Variants in KCNN1 observed in about 807,000 individuals in gnomAD.
The protein encoded by KCNN1 is potassium calcium-activated channel subfamily N member 1.
KCNN1 carries 20 observed loss-of-function variants against 44.7 expected under a neutral mutation model. The ratio of observed to expected loss-of-function variants is 0.45; its 90% CI spans 0.32 to 0.65. The LOEUF is 0.65. Among genes scored for constraint, KCNN1 ranks in the 30% least tolerant of loss-of-function variants. The probability of loss-of-function intolerance (pLI) is 0.05; values close to 1 mark genes in which losing one functional copy is unlikely to be tolerated. For missense variants in KCNN1, 632 were observed against 785.3 expected (o/e 0.80, Z 2.33); for synonymous variants, 324 against 341.7 (o/e 0.95, Z 0.57).
In KCNN1 at chr19:17,974,831, G is replaced by C. The variant is rs1437910036; in HGVS notation, c.403-261G>C. On this transcript the variant is annotated intron_variant, in intron 2 of 9. Coordinates refer to ENST00000684775, the MANE Select transcript of KCNN1 (RefSeq NM_001386974.1). The surrounding 1 kb of genome is among the most constrained non-coding windows in gnomAD (Gnocchi z 7.3). ...AAGCACTGGACACATCTTGCTGTCA[G>C]CCCAGTCCCCAGGAATAAGGACAGG... Among the ~76,000 whole-genome samples, 1 of 152,228 alleles carries C rather than the reference G, an allele frequency of 6.6e-6. No homozygotes were observed. The highest frequency in any genetic ancestry group is 2.4e-5 in the African/African-American group (1 of 41,462).
chr19:17,992,631 G>A (rs146225207), intron 7 of KCNN1, among the ~76,000 whole-genome samples: 123 of 152,170 alleles, frequency 8.1e-4, no homozygotes, highest in African/African-American at 2.8e-3. Flanking sequence ...CAAAAGGGGC[G>A]AGGGCATACA....
At chr19:17,968,833 C>T (rs2031912812) in intron 1 of KCNN1, among the ~76,000 whole-genome samples, 1 of 152,128 alleles carries the variant, frequency 6.6e-6, no homozygotes, top group Non-Finnish European at 1.5e-5. Flanking sequence ...ATATCAAAGA[C>T]CTTCCAACCC....
At chr19:17,976,584 A>G (rs1439927283) in intron 3 of KCNN1, among the ~76,000 whole-genome samples, 1 of 151,378 alleles carries the variant, frequency 6.6e-6, no homozygotes, top group Admixed American at 6.6e-5. Context: ...ACACCCAGCT[A>G]ATTTTGTATT....
intron 3 of KCNN1, among the ~76,000 whole-genome samples, chr19:17,977,523 C>CT (rs537932293): frequency 3.3e-5 from 5 of 151,752 alleles, no homozygotes; most frequent in East Asian, 1.9e-4. Flanking sequence ...AAATTTTTTG[C>CT]TTTTTTTGTA....
chr19:17,978,881 A>C (rs953883792), intron 3 of KCNN1, among the ~76,000 whole-genome samples: 1 of 145,260 alleles, frequency 6.9e-6, no homozygotes, highest in South Asian at 2.2e-4. Flanking sequence ...GTGGCGAAAC[A>C]CCGTCTCTAC....
intron 5 of KCNN1, among the ~76,000 whole-genome samples, chr19:17,986,249 G>C (rs146852478): frequency 1.2e-3 from 181 of 152,086 alleles, no homozygotes; most frequent in Admixed American, 2.9e-3. Context: ...TGTAATCCCA[G>C]CTACTAGGGA....
chr19:17,990,218 C>T lies in KCNN1; in HGVS notation c.1298+375C>T, dbSNP rs113704699. Reference sequence around the variant, plus strand: ...AACTAGAAATGAATTGGGCCAGGTGCGGTGGCTCATGCCTGTAATCCCAGC... The same window carrying T: ...AACTAGAAATGAATTGGGCCAGGTGTGGTGGCTCATGCCTGTAATCCCAGC... On this transcript the variant is annotated intron_variant, in intron 7 of 9. Transcript: ENST00000684775. Among the ~76,000 whole-genome samples the T allele has an allele frequency of 9.8e-4, 148 of 151,600 alleles. 1 individual carries two copies. The highest frequency in any genetic ancestry group is 3.5e-3 in the African/African-American group (143 of 40,976).
At chr19:17,966,103 G>A (rs537946116), upstream of KCNN1, among the ~76,000 whole-genome samples, 1 of 150,648 alleles carries the variant, frequency 6.6e-6, no homozygotes, top group South Asian at 2.1e-4. Context: ...TGTTTTCTGA[G>A]CTCCGCAGAG....
intron 7 of KCNN1, among the ~76,000 whole-genome samples, chr19:17,991,955 G>A (rs553661684): frequency 2.0e-5 from 3 of 152,270 alleles, no homozygotes; most frequent in East Asian, 1.9e-4. Flanking sequence ...ATATGCTGAC[G>A]ACAATGCTGT....
intron 1 of KCNN1, among the ~76,000 whole-genome samples, chr19:17,952,525 A>G (rs1053070476): frequency 1.3e-5 from 2 of 151,844 alleles, no homozygotes; most frequent in African/African-American, 2.4e-5. Flanking sequence ...TCCTGACCCC[A>G]CCCCCATGCC....
intron 7 of KCNN1, among the ~76,000 whole-genome samples, chr19:17,991,352 G>C (rs749040430): frequency 6.6e-6 from 1 of 151,752 alleles, no homozygotes; most frequent in Admixed American, 6.6e-5. Context: ...CCAGGAGGTT[G>C]AGGTGGGAGG....
At chr19:17,955,299 G>A (rs1205121077) in intron 2 of KCNN1, among the ~76,000 whole-genome samples, 2 of 150,374 alleles carry the variant, frequency 1.3e-5, no homozygotes, top group African/African-American at 2.4e-5. Flanking sequence ...GGTGGCTTAC[G>A]CTTGTAATCC....
chr19:17,998,195 A>T lies in KCNN1; in HGVS notation c.1421A>T (p.Gln474Leu). ...GACCTTGTATCGGAGCTGCACGCTCAGCACGAGGAGCTGGAGGCCCGCCTG... is the reference window on the plus strand; with the variant it reads ...GACCTTGTATCGGAGCTGCACGCTCTGCACGAGGAGCTGGAGGCCCGCCTG... ...MYDLVSELHA[Q>L]HEELEARLAT... The change falls in exon 10 of 10, where the codon CAG (glutamine) becomes CTG (leucine). Residue 474 changes from glutamine to leucine, a missense_variant. Gln to Leu is a moderately radical substitution (Grantham distance 113, BLOSUM62 -2). Transcript: ENST00000684775. This position sits in a 1 kb window ranked among gnomAD's most constrained non-coding sequence, Gnocchi z 5.4. The T allele has an allele frequency of 6.3e-7, 1 of 1,597,448 alleles. No homozygotes were observed. Among genetic ancestry groups the T allele is most frequent in the Non-Finnish European group, 8.5e-7 (1 of 1,173,280 alleles).
At position 17,989,787 on chromosome 19, in the gene KCNN1, G is replaced by T; in HGVS notation, c.1242G>T (p.Lys414Asn). Residue 414 changes from lysine to asparagine, a missense_variant, in exon 7 of 10, where the codon AAG becomes AAT. Lys to Asn is a moderately conservative substitution (Grantham distance 94). Transcript: ENST00000684775. ...LIYKHTRLVK[K>N]PDQARVRKHQ... is the part of the protein sequence containing the mutation. ...ACAAACATACCAGGCTGGTGAAGAA[G>T]CCAGACCAAGCCCGGGTTCGGAAAC... The T allele has an allele frequency of 6.2e-7, 1 of 1,613,964 alleles. No individual in the cohort carries two copies. The highest frequency in any genetic ancestry group is 8.5e-7 in the Non-Finnish European group (1 of 1,179,882).
chr19:17,973,750 G>A (rs1009084361), intron 1 of KCNN1, 58 bp from the exon 2 acceptor site: 50 of 1,441,702 alleles, frequency 3.5e-5, no homozygotes, highest in Admixed American at 8.3e-5. Flanking sequence ...GATGGTCCTT[G>A]CCTTTCTGGT....
At chr19:17,958,043 G>T (rs2031586276) in intron 2 of KCNN1, among the ~76,000 whole-genome samples, 1 of 152,092 alleles carries the variant, frequency 6.6e-6, no homozygotes, top group African/African-American at 2.4e-5. Flanking sequence ...TGTGCTTGGG[G>T]AAACCTGGGA....
chr19:17,984,607 C>T (rs1021954284), intron 4 of KCNN1, among the ~76,000 whole-genome samples: 5 of 152,150 alleles, frequency 3.3e-5, no homozygotes, highest in African/African-American at 1.2e-4. Flanking sequence ...ACCCAGAGAG[C>T]CAAGCCCTCG....
At position 17,981,236 on chromosome 19, in the gene KCNN1, C is replaced by T. The variant is rs1352083087; in HGVS notation, c.499-473C>T. ...CTACAGCCTGTGCGACAGAGTGAGA[C>T]CCTGTCTCAAGAAAAAGAAAAAGAA... On this transcript the variant is annotated intron_variant, in intron 3 of 9. Coordinates refer to ENST00000684775, the MANE Select transcript of KCNN1 (RefSeq NM_001386974.1). Among the ~76,000 whole-genome samples the T allele has an allele frequency of 4.0e-5, 6 of 151,170 alleles. No individual in the cohort carries two copies. The East Asian group carries it at 1.2e-3, about 30-fold the overall frequency.
intron 6 of KCNN1, among the ~76,000 whole-genome samples, chr19:17,989,212 C>G (rs1040595977): frequency 1.1e-4 from 17 of 152,160 alleles, no homozygotes; most frequent in African/African-American, 3.1e-4. Flanking sequence ...AATCCCAGCA[C>G]TTTAGGAGGC....
Sources: allele counts gnomAD v4.1 joint callset (sites outside exome capture counted in the v4.1 genomes callset), GRCh38; gene constraint gnomAD v4.1.1; non-coding constraint Gnocchi (gnomAD v3.1); transcripts MANE v1.5; gene names NCBI Gene and HGNC (gene_info 2026-07-23, HGNC 2026-07-21).